Variants in RIMKLA observed in about 807,000 individuals in gnomAD.
RIMKLA encodes ribosomal modification protein rimK like family member A.
A neutral mutation model predicts 32.7 loss-of-function variants in RIMKLA; 14 were observed. The ratio of observed to expected loss-of-function variants is 0.43; its 90% CI spans 0.28 to 0.67. The LOEUF (loss-of-function observed/expected upper bound fraction) is 0.67, where lower values mean the gene tolerates loss of function less well. RIMKLA is among the 30% of genes least tolerant of loss of function. RIMKLA has a pLI of 0.18. For synonymous variants in RIMKLA, 176 were observed against 204.1 expected (o/e 0.86, Z 1.18); for missense variants, 410 against 519.0 (o/e 0.79, Z 2.04).
chr1:42,392,382 T>C (rs1643006573), intron 1 of RIMKLA, among the ~76,000 whole-genome samples: 1 of 152,220 alleles, frequency 6.6e-6, no homozygotes, highest in African/African-American at 2.4e-5. Context: ...CAACTGTGTG[T>C]TGTCTGTCTT....
At chr1:42,384,487 G>GTA (rs539137979) in intron 1 of RIMKLA, among the ~76,000 whole-genome samples, 335 of 148,220 alleles carry the variant, frequency 2.3e-3, no homozygotes, top group Non-Finnish European at 3.5e-3. Context: ...GTGTGTGTGT[G>GTA]TATATATATA....
At chr1:42,393,654 C>A (rs1045299777) in intron 1 of RIMKLA, among the ~76,000 whole-genome samples, 1 of 152,062 alleles carries the variant, frequency 6.6e-6, no homozygotes, top group African/African-American at 2.4e-5. Flanking sequence ...CGAGAAAATG[C>A]TGTGGGTGGA....
intron 1 of RIMKLA, among the ~76,000 whole-genome samples, chr1:42,389,673 G>T (rs918929756): frequency 2.3e-4 from 35 of 152,036 alleles, no homozygotes; most frequent in Non-Finnish European, 7.4e-5. Flanking sequence ...ATTTAGCCGG[G>T]CGTGGTGGTG....
chr1:42,380,862 G>C lies in RIMKLA; in HGVS notation c.-73G>C. The C allele has an allele frequency of 9.3e-7, 1 of 1,076,470 alleles. No homozygotes were observed. Among genetic ancestry groups the C allele is most frequent in the South Asian group, 4.5e-5 (1 of 22,126 alleles). 66.7% of individuals were successfully genotyped at this position (1,076,470 alleles called of 1,614,324 possible). ...CGCCCCGGACGCCGGCCGCCCCTCC[G>C]CTCGCCCTACTGAGCGAGCGGCCCG... On this transcript the variant is annotated 5_prime_UTR_variant, in exon 1 of 5. Transcript: ENST00000431473.
At chr1:42,388,517 GTTTT>G (rs35842187) in intron 1 of RIMKLA, among the ~76,000 whole-genome samples, 1 of 131,724 alleles carries the variant, frequency 7.6e-6, no homozygotes, top group Non-Finnish European at 1.6e-5. Flanking sequence ...CTGAAAGCTT[GTTTT>G]TTTTTTTTTT....
intron 4 of RIMKLA, 92 bp downstream of exon 4, chr1:42,410,279 A>T (rs1643186115): frequency 5.9e-6 from 6 of 1,015,868 alleles, no homozygotes; most frequent in African/African-American, 1.6e-5. Flanking sequence ...ACCCTCTGCT[A>T]GACACCAGGA....
At chr1:42,384,357 T>C (rs896100482) in intron 1 of RIMKLA, among the ~76,000 whole-genome samples, 2 of 152,004 alleles carry the variant, frequency 1.3e-5, no homozygotes, top group Admixed American at 1.3e-4. Context: ...CGTTTCCTTT[T>C]TAGAAACTGC....
chr1:42,399,525 C>G lies in RIMKLA; in HGVS notation c.285C>G (p.Gly95=). 1 of 1,613,510 alleles carries G rather than the reference C, an allele frequency of 6.2e-7. No individual in the cohort carries two copies. Among genetic ancestry groups the G allele is most frequent in the Non-Finnish European group, 8.5e-7 (1 of 1,179,788 alleles). ...TCCTGCGACACCTGGAGAAGCTGGGCTGCCGGTTGGTCAATCGCCCACAGA... is the reference window on the plus strand; with the variant it reads ...TCCTGCGACACCTGGAGAAGCTGGGGTGCCGGTTGGTCAATCGCCCACAGA... ...ITVLRHLEKL[G]CRLVNRPQSI... is the part of the protein sequence containing the mutation. Residue 95 remains glycine, a synonymous_variant, in exon 2 of 5, where the codon GGC becomes GGG. Transcript: ENST00000431473.
intron 3 of RIMKLA, among the ~76,000 whole-genome samples, chr1:42,407,703 C>G (rs1643159465): frequency 6.6e-6 from 1 of 152,198 alleles, no homozygotes; most frequent in Non-Finnish European, 1.5e-5. Context: ...CCAAGCCACA[C>G]TGTCTTGATT....
At chr1:42,403,864 T>A (rs368011016) in intron 2 of RIMKLA, among the ~76,000 whole-genome samples, 1 of 152,224 alleles carries the variant, frequency 6.6e-6, no homozygotes, top group African/African-American at 2.4e-5. Context: ...GCTGCCTGAT[T>A]GTTGACGTTC....
At chr1:42,385,808 T>TCCTTCCTTCCTTCCTTCC (rs1314424316) in intron 1 of RIMKLA, among the ~76,000 whole-genome samples, 2 of 75,986 alleles carry the variant, frequency 2.6e-5, no homozygotes, top group African/African-American at 4.3e-5. Context: ...TCTCTCTCTC[T>TCCTTCCTTCCTTCCTTCC]TTCCTTCCTT....
At position 42,417,584 on chromosome 1, in the gene RIMKLA, G is replaced by A. The variant is rs975958156; in HGVS notation, c.*2610G>A. 1 of 152,266 alleles carries A rather than the reference G, an allele frequency of 6.6e-6. No individual in the cohort carries two copies. The highest frequency in any genetic ancestry group is 2.4e-5 in the African/African-American group (1 of 41,470). The allele number at this position is 152,266 out of a possible 1,614,324, so 9.4% of individuals were successfully genotyped here. A position where few individuals can be genotyped will look rare whatever the true frequency, so the allele number is the denominator to read the frequency against. ...GTTTACCTCTTTGAAGCTGAAGTAAGTGAGACTGGTGCATGTAAATTAATG... is the reference window on the plus strand; with the variant it reads ...GTTTACCTCTTTGAAGCTGAAGTAAATGAGACTGGTGCATGTAAATTAATG... On this transcript the variant is annotated 3_prime_UTR_variant, in exon 5 of 5. Transcript: ENST00000431473.
intron 1 of RIMKLA, 72 bp from the exon 2 acceptor site, chr1:42,399,332 C>T: frequency 8.8e-7 from 1 of 1,136,614 alleles, no homozygotes; most frequent in Non-Finnish European, 1.3e-6. Flanking sequence ...CTTGAAGAGT[C>T]TGTTGGAACC....
chr1:42,413,144 A>G (rs1643215141), intron 4 of RIMKLA, among the ~76,000 whole-genome samples: 1 of 151,948 alleles, frequency 6.6e-6, no homozygotes, highest in Admixed American at 6.6e-5. Flanking sequence ...AAATAAATAA[A>G]TAAATAAATA....
chr1:42,392,941 G>A (rs1413305976), intron 1 of RIMKLA, among the ~76,000 whole-genome samples: 3 of 152,150 alleles, frequency 2.0e-5, no homozygotes, highest in East Asian at 1.9e-4. Flanking sequence ...GCAGTGAGCC[G>A]AGATCGCGCC....
At chr1:42,395,500 A>C (rs1643035707) in intron 1 of RIMKLA, among the ~76,000 whole-genome samples, 1 of 151,928 alleles carries the variant, frequency 6.6e-6, no homozygotes, top group Non-Finnish European at 1.5e-5. Context: ...CAAGAGCACT[A>C]GGGTACTTAA....
intron 2 of RIMKLA, among the ~76,000 whole-genome samples, chr1:42,402,735 T>C (rs2494373): frequency 0.99 from 151,187 of 152,092 alleles, 75,148 homozygotes; most frequent in Middle Eastern, 1. Flanking sequence ...GGACCACAGA[T>C]GTGCACCACC....
Position 42,414,759 on chromosome 1 carries a change from A to G in RIMKLA, c.961A>G (p.Arg321Gly). The change falls in exon 5 of 5, where the codon AGG (arginine) becomes GGG (glycine). Residue 321 changes from arginine (R) to glycine (G), a missense_variant. Arg to Gly is a moderately radical substitution (Grantham distance 125). Transcript: ENST00000431473. ...TGTCCTCCCAGGACTGTCGAGTCCA[A>G]GGGAGAAGAACGAGCCGGATGGCTG... ...MAVLPGLSSP[R>G]EKNEPDGCAS... The G allele has an allele frequency of 1.9e-6, 3 of 1,614,202 alleles. No individual in the cohort carries two copies. Among genetic ancestry groups the G allele is most frequent in the Non-Finnish European group, 2.5e-6 (3 of 1,180,004 alleles).
chr1:42,413,299 C>T (rs542756926), intron 4 of RIMKLA, among the ~76,000 whole-genome samples: 10 of 151,778 alleles, frequency 6.6e-5, no homozygotes, highest in Admixed American at 2.6e-4. Context: ...GTCAGGAGTT[C>T]GAAATTAGCC....
Sources: allele counts gnomAD v4.1 joint callset (sites outside exome capture counted in the v4.1 genomes callset), GRCh38; gene constraint gnomAD v4.1.1; transcripts MANE v1.5; gene names NCBI Gene and HGNC (gene_info 2026-07-23, HGNC 2026-07-21).